TSHZ1: variants seen among roughly 807,000 people sequenced by gnomAD.
The protein encoded by TSHZ1 is teashirt homolog 1.
A neutral mutation model predicts 67.1 loss-of-function variants in TSHZ1; 12 were observed. The observed-to-expected ratio is 0.18, with a 90% CI of 0.11 to 0.29. The LOEUF (loss-of-function observed/expected upper bound fraction) is 0.29. Ranked by LOEUF, TSHZ1 falls within the 10% of genes least tolerant of loss-of-function variation. The probability of loss-of-function intolerance (pLI) is 1.00; values close to 1 mark genes in which losing one functional copy is unlikely to be tolerated. For missense variants in TSHZ1, 1,305 were observed against 1,413.9 expected, an observed-to-expected ratio of 0.92 and a Z score of 1.23; for synonymous variants, 632 against 622.4, an observed-to-expected ratio of 1.02 and a Z score of -0.23.
At position 75,287,524 on chromosome 18, in the gene TSHZ1, G is replaced by A. The variant is rs750646695; in HGVS notation, c.2117G>A (p.Gly706Glu). ...GAGACTGGGAAGGCCAAAAAGGAGG[G>A]ACCGCTGGACGTTCACACCCCAAAT... ...EAETGKAKKE[G>E]PLDVHTPNGT... The change falls in exon 2 of 2, where the codon GGA becomes GAA. Residue 706 changes from glycine (G) to glutamate (E), a missense_variant. Physicochemically the swap from Gly to Glu is moderately conservative, Grantham distance 98 (BLOSUM62 -2). Transcript: ENST00000580243. The surrounding 1 kb of genome is among the most constrained non-coding windows in gnomAD (Gnocchi z 5.0). The A allele has an allele frequency of 6.8e-6, 11 of 1,614,066 alleles. No homozygotes were observed. The highest frequency in any genetic ancestry group is 1.3e-5 in the African/African-American group (1 of 74,916).
intron 1 of TSHZ1, among the ~76,000 whole-genome samples, chr18:75,237,737 T>C (rs2023093259): frequency 6.6e-6 from 1 of 152,164 alleles, no homozygotes; most frequent in African/African-American, 2.4e-5. Context: ...GTCCTCATTC[T>C]GAATAACTCA....
chr18:75,237,580 A>G (rs7237831), intron 1 of TSHZ1, among the ~76,000 whole-genome samples: 12,429 of 152,112 alleles, frequency 0.082, 964 homozygotes, highest in African/African-American at 0.21. Context: ...GTGTGTATAC[A>G]TATATACACA....
intron 1 of TSHZ1, among the ~76,000 whole-genome samples, chr18:75,262,809 T>G (rs756575453): frequency 1.3e-5 from 2 of 152,146 alleles, no homozygotes; most frequent in Non-Finnish European, 2.9e-5. Context: ...ATTCTTCTCC[T>G]TGAGAAGCAT....
In TSHZ1 at chr18:75,288,785, A is replaced by G; in HGVS notation, c.*144A>G. On this transcript the variant is annotated 3_prime_UTR_variant, in exon 2 of 2. Transcript: ENST00000580243. The surrounding 1 kb of genome is among the most constrained non-coding windows in gnomAD (Gnocchi z 4.9). The stretch of plus-strand genomic sequence containing the variant: ...TGGTTTTCTTACACATATTTTGTAT[A>G]TTTATATGCTCTCTGTCCGATCTGT... 1 of 1,328,530 alleles carries G rather than the reference A, an allele frequency of 7.5e-7. No homozygotes were observed. Among genetic ancestry groups the G allele is most frequent in the African/African-American group, 1.5e-5 (1 of 67,382 alleles). The allele number at this position is 1,328,530 out of a possible 1,614,324, so 82.3% of individuals were successfully genotyped here. A position where few individuals can be genotyped will look rare whatever the true frequency, so the allele number is the denominator to read the frequency against.
intron 1 of TSHZ1, among the ~76,000 whole-genome samples, chr18:75,275,762 C>T (rs1022299499): frequency 4.6e-5 from 7 of 152,112 alleles, no homozygotes; most frequent in Non-Finnish European, 1.0e-4. Flanking sequence ...GAGTGCAGGT[C>T]ATTGGGTATG....
At chr18:75,226,033 A>G (rs1466397511) in intron 1 of TSHZ1, among the ~76,000 whole-genome samples, 1 of 152,222 alleles carries the variant, frequency 6.6e-6, no homozygotes, top group Non-Finnish European at 1.5e-5. Flanking sequence ...CTTAGCAGGC[A>G]TCAGATTCAA....
rs1385844808 is a variant in TSHZ1, at chr18:75,288,350, T to G, written c.2943T>G (p.Thr981=). The change falls in exon 2 of 2, where the codon ACT becomes ACG. Residue 981 remains threonine (T), a synonymous_variant. Transcript: ENST00000580243. This position sits in a 1 kb window ranked among gnomAD's most constrained non-coding sequence, Gnocchi z 4.9. Reference sequence around the variant, plus strand: ...ACGATTGTGCCTCTCAGTTCAGAACTGCTTCTACATACATAAGTCATTTGG... The same window carrying G: ...ACGATTGTGCCTCTCAGTTCAGAACGGCTTCTACATACATAAGTCATTTGG... The part of the protein sequence containing the change: ...FCNDCASQFR[T]ASTYISHLET... The G allele has an allele frequency of 6.2e-7, 1 of 1,614,106 alleles. No homozygotes were observed. Among genetic ancestry groups the G allele is most frequent in the East Asian group, 2.2e-5 (1 of 44,898 alleles).
Position 75,287,529 on chromosome 18 carries a change from C to T in TSHZ1, c.2122C>T (p.Leu708=), listed in dbSNP as rs1262691597. 2 of 1,614,246 alleles carry T rather than the reference C, an allele frequency of 1.2e-6. No individual in the cohort carries two copies. The highest frequency in any genetic ancestry group is 3.3e-5 in the Admixed American group (2 of 60,030). The change falls in exon 2 of 2, where the codon CTG becomes TTG. Residue 708 remains leucine, a synonymous_variant. Transcript: ENST00000580243. This position sits in a 1 kb window ranked among gnomAD's most constrained non-coding sequence, Gnocchi z 5.0. The part of the protein sequence containing the change: ...ETGKAKKEGP[L]DVHTPNGTEP... Reference sequence around the variant, plus strand: ...TGGGAAGGCCAAAAAGGAGGGACCGCTGGACGTTCACACCCCAAATGGCAC... The same window carrying T: ...TGGGAAGGCCAAAAAGGAGGGACCGTTGGACGTTCACACCCCAAATGGCAC...
chr18:75,271,272 C>T lies in TSHZ1; in HGVS notation c.41-14176C>T, dbSNP rs2581646. On this transcript the variant is annotated intron_variant, in intron 1 of 1. Coordinates refer to ENST00000580243, the MANE Select transcript of TSHZ1 (RefSeq NM_001308210.2). ...AGTAATGACTAGCATAAGGGCCCTG[C>T]GTATCACCTCGTTAAGTGGGCATCC... is the stretch of plus-strand genomic sequence containing the variant. 5.4e-3 allele frequency among the ~76,000 whole-genome samples: 826 copies of T among 152,290 alleles called. 8 individuals carry two copies. The highest frequency in any genetic ancestry group is 0.019 in the African/African-American group (798 of 41,560).
chr18:75,223,677 A>T (rs2022879717), intron 1 of TSHZ1, among the ~76,000 whole-genome samples: 1 of 151,580 alleles, frequency 6.6e-6, no homozygotes, highest in South Asian at 2.1e-4. Flanking sequence ...CTTGCTAGGC[A>T]TCCTTTTCCC....
chr18:75,237,047 C>T (rs922628062), intron 1 of TSHZ1, among the ~76,000 whole-genome samples: 1 of 152,108 alleles, frequency 6.6e-6, no homozygotes, highest in Non-Finnish European at 1.5e-5. Flanking sequence ...GCAGCGTGAG[C>T]CCTGGCCTTT....
intron 1 of TSHZ1, among the ~76,000 whole-genome samples, chr18:75,261,768 C>A (rs1257908817): frequency 6.6e-6 from 1 of 152,256 alleles, no homozygotes; most frequent in African/African-American, 2.4e-5. Context: ...AATGAAAAGA[C>A]TTGCTATTGG....
chr18:75,227,959 A>G (rs986097663), intron 1 of TSHZ1, among the ~76,000 whole-genome samples: 5 of 152,204 alleles, frequency 3.3e-5, no homozygotes, highest in African/African-American at 1.2e-4. Flanking sequence ...CCCCATCAAC[A>G]TTATTGAAGA....
In TSHZ1 at chr18:75,287,253, G is replaced by C. The variant is rs759158783; in HGVS notation, c.1846G>C (p.Glu616Gln). 2.5e-6 allele frequency: 4 copies of C among 1,613,940 alleles called. No individual in the cohort carries two copies. Among genetic ancestry groups the C allele is most frequent in the Middle Eastern group, 3.3e-4 (2 of 6,062 alleles). Residue 616 changes from glutamate to glutamine, a missense_variant, in exon 2 of 2, where the codon GAG becomes CAG. Physicochemically the swap from Glu to Gln is conservative, Grantham distance 29 (BLOSUM62 2). This residue lies in a region of TSHZ1 where 909 missense variants were observed against 961.8 expected (regional missense o/e 0.95). Transcript: ENST00000580243. The surrounding 1 kb of genome is among the most constrained non-coding windows in gnomAD (Gnocchi z 5.0). ...CGGCGTGAAGTCGCTGTCTTCCGCC[G>C]AGCACAACGCCCTCCTGCACTCCCC... Reference protein sequence around the residue: ...AGGVKSLSSAEHNALLHSPGS... With the variant: ...AGGVKSLSSAQHNALLHSPGS...
At chr18:75,231,663 T>C (rs1199161996) in intron 1 of TSHZ1, among the ~76,000 whole-genome samples, 1 of 150,792 alleles carries the variant, frequency 6.6e-6, no homozygotes, top group African/African-American at 2.4e-5. Flanking sequence ...GCCACCTGAG[T>C]AGCTGGGATT....
chr18:75,255,866 A>G (rs919700380), intron 1 of TSHZ1, among the ~76,000 whole-genome samples: 1 of 152,220 alleles, frequency 6.6e-6, no homozygotes, highest in African/African-American at 2.4e-5. Flanking sequence ...AGAAATTAAC[A>G]TTTGTACTTA....
intron 1 of TSHZ1, among the ~76,000 whole-genome samples, chr18:75,256,511 C>T (rs2023363528): frequency 6.6e-6 from 1 of 152,164 alleles, no homozygotes; most frequent in Admixed American, 6.5e-5. Context: ...TCCACCTTCT[C>T]CTATTAAAAA....
intron 1 of TSHZ1, among the ~76,000 whole-genome samples, chr18:75,248,578 G>A (rs577448455): frequency 1.3e-5 from 2 of 152,260 alleles, no homozygotes; most frequent in African/African-American, 4.8e-5. Flanking sequence ...AAATCCAATT[G>A]ACAGTTAATT....
At chr18:75,280,659 C>G (rs1445757686) in intron 1 of TSHZ1, 1 of 810,036 alleles carries the variant, frequency 1.2e-6, no homozygotes, top group Admixed American at 6.2e-5. Flanking sequence ...ACTCTGTTTT[C>G]TTTCCTGTGG....
Sources: allele counts gnomAD v4.1 joint callset (sites outside exome capture counted in the v4.1 genomes callset), GRCh38; gene constraint gnomAD v4.1.1; regional missense constraint gnomAD v4.1.1; non-coding constraint Gnocchi (gnomAD v3.1); transcripts MANE v1.5; gene names NCBI Gene and HGNC (gene_info 2026-07-23, HGNC 2026-07-21).